The following SNTB1 variants were observed in gnomAD, a reference collection of about 807,000 sequenced individuals.
The protein encoded by SNTB1 is syntrophin beta 1, also known as beta-1-syntrophin.
A neutral mutation model predicts 48.9 loss-of-function variants in SNTB1; 36 were observed. The observed-to-expected ratio is 0.74, with a 90% CI of 0.56 to 0.97. The LOEUF (loss-of-function observed/expected upper bound fraction) is 0.97, where lower values mean the gene tolerates loss of function less well. SNTB1 is among the 50% of genes least tolerant of loss of function. The pLI, the probability that SNTB1 is intolerant of heterozygous loss-of-function variation, is 0.00. For missense variants in SNTB1, 786 were observed against 703.4 expected (o/e 1.12, Z -1.33); for synonymous variants, 299 against 294.6 (o/e 1.01, Z -0.15).
At chr8:120,753,579 AG>A (rs1419672075) in intron 1 of SNTB1, among the ~76,000 whole-genome samples, 1 of 152,194 alleles carries the variant, frequency 6.6e-6, no homozygotes, top group African/African-American at 2.4e-5. Flanking sequence ...AAGTTCCCTG[AG>A]GGCAGGAACA....
intron 1 of SNTB1, among the ~76,000 whole-genome samples, chr8:120,803,728 T>C (rs1436515109): frequency 6.6e-6 from 1 of 152,178 alleles, no homozygotes; most frequent in Non-Finnish European, 1.5e-5. Flanking sequence ...ACTGAAGGGC[T>C]GTTCTGACCA....
chr8:120,620,631 C>T (rs1287074276), intron 3 of SNTB1, among the ~76,000 whole-genome samples: 1 of 152,116 alleles, frequency 6.6e-6, no homozygotes, highest in African/African-American at 2.4e-5. Context: ...GCCAGTTAAA[C>T]TGTGCAGCAC....
chr8:120,777,617 A>C (rs544662955), intron 1 of SNTB1, among the ~76,000 whole-genome samples: 2 of 152,218 alleles, frequency 1.3e-5, no homozygotes, highest in Non-Finnish European at 2.9e-5. Context: ...CTTCATGAAG[A>C]GGATTAATGA....
chr8:120,675,724 A>C (rs1007813937), intron 2 of SNTB1, among the ~76,000 whole-genome samples: 2 of 152,214 alleles, frequency 1.3e-5, no homozygotes, highest in Admixed American at 1.3e-4. Context: ...CTGCCACAAG[A>C]ACCTCTTTCC....
intron 2 of SNTB1, among the ~76,000 whole-genome samples, chr8:120,678,745 G>A (rs981614854): frequency 2.0e-5 from 3 of 152,084 alleles, no homozygotes; most frequent in African/African-American, 7.2e-5. Flanking sequence ...TATTTTCAAA[G>A]AGGCAGAATG....
At chr8:120,619,097 T>C (rs1468813789) in intron 3 of SNTB1, among the ~76,000 whole-genome samples, 1 of 152,202 alleles carries the variant, frequency 6.6e-6, no homozygotes, top group Non-Finnish European at 1.5e-5. Flanking sequence ...CAATTTCTGG[T>C]ATCTTGCAGT....
At chr8:120,563,956 A>C (rs1346114443) in intron 4 of SNTB1, among the ~76,000 whole-genome samples, 1 of 152,080 alleles carries the variant, frequency 6.6e-6, no homozygotes, top group Admixed American at 6.6e-5. Flanking sequence ...AAATACAAAA[A>C]AATTAGCCAG....
intron 1 of SNTB1, among the ~76,000 whole-genome samples, chr8:120,725,755 T>C (rs918099206): frequency 1.3e-5 from 2 of 152,164 alleles, no homozygotes; most frequent in South Asian, 4.1e-4. Flanking sequence ...CATCGTAACA[T>C]AGGGCCGAAA....
At chr8:120,688,348 C>T (rs941133485) in intron 2 of SNTB1, among the ~76,000 whole-genome samples, 9 of 152,024 alleles carry the variant, frequency 5.9e-5, no homozygotes, top group Non-Finnish European at 1.0e-4. Context: ...TTCCCTTATT[C>T]CCAAGACTAT....
intron 2 of SNTB1, among the ~76,000 whole-genome samples, chr8:120,663,932 T>C (rs1817633568): frequency 1.3e-5 from 2 of 152,324 alleles, no homozygotes; most frequent in South Asian, 4.1e-4. Context: ...AATGCTTGTA[T>C]ATTTAGGAAA....
rs1030535608 is a variant in SNTB1, at chr8:120,803,530, A to C, written c.571+7743T>G. ...GTGCATCATTTGAAATGGAACGCTT[A>C]GTAGGCCAGTAGCTACCACAGAATA... is the stretch of plus-strand genomic sequence containing the variant. On this transcript the variant is annotated intron_variant, in intron 1 of 6. Coordinates refer to ENST00000517992, the MANE Select transcript of SNTB1 (RefSeq NM_021021.4). Among the ~76,000 whole-genome samples, 24 of 152,206 alleles carry C rather than the reference A, an allele frequency of 1.6e-4. 2 individuals are homozygous for C. Among genetic ancestry groups the C allele is most frequent in the Admixed American group, 1.5e-3 (23 of 15,282 alleles).
At chr8:120,615,400 G>A (rs13263202) in intron 3 of SNTB1, among the ~76,000 whole-genome samples, 66,589 of 151,982 alleles carry the variant, frequency 0.44, 17,811 homozygotes, top group Non-Finnish European at 0.62. Flanking sequence ...CAGCAGCTTG[G>A]CATCAGCTCA....
chr8:120,666,211 G>A (rs1380104778), intron 2 of SNTB1, among the ~76,000 whole-genome samples: 2 of 152,190 alleles, frequency 1.3e-5, no homozygotes, highest in African/African-American at 4.8e-5. Flanking sequence ...TCTATTTGAT[G>A]TAATTTTCTC....
chr8:120,722,526 C>T lies in SNTB1; in HGVS notation c.572-28618G>A, dbSNP rs536909346. On this transcript the variant is annotated intron_variant, in intron 1 of 6. Transcript: ENST00000517992. Reference sequence around the variant, plus strand: ...GATGAGCATTTTTTCATGTGTCTTTCGGCTGCATAAATGTCTTCTTTTGAG... The same window carrying T: ...GATGAGCATTTTTTCATGTGTCTTTTGGCTGCATAAATGTCTTCTTTTGAG... Among the ~76,000 whole-genome samples, 10 of 152,220 alleles carry T rather than the reference C, an allele frequency of 6.6e-5. No individual in the cohort carries two copies. The East Asian group carries it at 7.7e-4, about 12-fold the overall frequency.
At chr8:120,617,420 T>A (rs1042102602) in intron 3 of SNTB1, among the ~76,000 whole-genome samples, 1 of 152,242 alleles carries the variant, frequency 6.6e-6, no homozygotes, top group African/African-American at 2.4e-5. Flanking sequence ...AGCTCTAGGC[T>A]ATATTTCACA....
intron 2 of SNTB1, among the ~76,000 whole-genome samples, chr8:120,663,029 G>C (rs555884757): frequency 3.0e-4 from 44 of 145,130 alleles, no homozygotes; most frequent in African/African-American, 1.1e-3. Flanking sequence ...GCTGGTGGGG[G>C]GGGTATTTGG....
chr8:120,711,374 A>C (rs1818461372), intron 1 of SNTB1, among the ~76,000 whole-genome samples: 1 of 152,188 alleles, frequency 6.6e-6, no homozygotes, highest in Non-Finnish European at 1.5e-5. Flanking sequence ...CCTAAGGTAA[A>C]GTATACTCCA....
intron 2 of SNTB1, among the ~76,000 whole-genome samples, chr8:120,679,958 C>T (rs1398604203): frequency 6.6e-6 from 1 of 152,150 alleles, no homozygotes; most frequent in East Asian, 1.9e-4. Context: ...CTAAACCTCC[C>T]ATTCTTCAAG....
intron 1 of SNTB1, among the ~76,000 whole-genome samples, chr8:120,788,418 G>C (rs924203377): frequency 4.6e-5 from 7 of 151,948 alleles, no homozygotes; most frequent in Non-Finnish European, 1.0e-4. Flanking sequence ...TGGTCTAAAT[G>C]GTCCAATTAA....
Sources: gnomAD v4.1 joint callset for allele counts (sites outside exome capture counted in the v4.1 genomes callset) on GRCh38, gnomAD v4.1.1 for gene constraint, MANE v1.5 for transcripts, NCBI Gene and HGNC (gene_info 2026-07-23, HGNC 2026-07-21) for gene names.